ZSWIM9: variants seen among roughly 807,000 people sequenced by gnomAD.
ZSWIM9 encodes uncharacterized protein ZSWIM9.
ZSWIM9 carries 11 observed loss-of-function variants against 25.0 expected under a neutral mutation model. That is an observed-to-expected ratio of 0.44 (90% CI 0.28 to 0.73). The LOEUF (loss-of-function observed/expected upper bound fraction) is 0.73, where lower values mean the gene tolerates loss of function less well. Ranked by LOEUF, ZSWIM9 falls within the 30% of genes least tolerant of loss-of-function variation. The pLI is 0.16. For missense variants in ZSWIM9, 1,070 were observed against 1,296.5 expected, an observed-to-expected ratio of 0.83 and a Z score of 2.68; for synonymous variants, 562 against 582.1, an observed-to-expected ratio of 0.97 and a Z score of 0.50.
At position 48,196,444 on chromosome 19, in the gene ZSWIM9, G is replaced by A. The variant is rs1316961122; in HGVS notation, c.2380G>A (p.Gly794Ser). 3.2e-6 allele frequency: 4 copies of A among 1,232,534 alleles called. No individual in the cohort carries two copies. Among genetic ancestry groups the A allele is most frequent in the East Asian group, 3.2e-5 (1 of 31,702 alleles). The allele number at this position is 1,232,534 out of a possible 1,614,324, so 76.3% of individuals were successfully genotyped here. ...GAGTGAACACCTGGCTGCAGGTGAC[G>A]GCCTGCAGGAAGGAGGCGAAGATGG... ...ARSEHLAAGD[G>S]LQEGGEDGPR... is the part of the protein sequence containing the mutation. The change falls in exon 4 of 4, where the codon GGC becomes AGC. Residue 794 changes from glycine to serine, a missense_variant. Around this residue, in one of 4 missense-constraint regions of ZSWIM9, gnomAD observed 583 missense variants for 624.7 expected, o/e 0.93. Coordinates refer to ENST00000614654, the MANE Select transcript of ZSWIM9 (RefSeq NM_199341.4).
chr19:48,182,448 C>T lies in ZSWIM9; in HGVS notation c.276-7C>T, dbSNP rs1419933818. ...TGTGACCAGGGCGGTGGTGGTTCCTCCCACAGGCCTCCCCAGCCCGGCTGC... is the reference window on the plus strand; with the variant it reads ...TGTGACCAGGGCGGTGGTGGTTCCTTCCACAGGCCTCCCCAGCCCGGCTGC... On this transcript the variant is annotated splice_polypyrimidine_tract_variant and splice_region_variant and intron_variant, in intron 2 of 3. Coordinates refer to ENST00000614654, the MANE Select transcript of ZSWIM9 (RefSeq NM_199341.4). This position sits in a 1 kb window ranked among gnomAD's most constrained non-coding sequence, Gnocchi z 4.6. The T allele has an allele frequency of 6.5e-7, 1 of 1,530,296 alleles. No homozygotes were observed. Among genetic ancestry groups the T allele is most frequent in the Non-Finnish European group, 8.7e-7 (1 of 1,142,922 alleles). The allele number at this position is 1,530,296 out of a possible 1,614,324, so 94.8% of individuals were successfully genotyped here. A position where few individuals can be genotyped will look rare whatever the true frequency, so the allele number is the denominator to read the frequency against.
chr19:48,183,370 G>A (rs79494056), intron 3 of ZSWIM9, among the ~76,000 whole-genome samples: 10,680 of 151,892 alleles, frequency 0.07, 510 homozygotes, highest in East Asian at 0.12. Flanking sequence ...CTTGTGATCC[G>A]CCCGCCTCGG....
chr19:48,177,394 CT>C (rs1165925217), intron 2 of ZSWIM9, among the ~76,000 whole-genome samples: 1 of 152,178 alleles, frequency 6.6e-6, no homozygotes, highest in Non-Finnish European at 1.5e-5. Context: ...TCATCACACA[CT>C]TACTGAATAC....
chr19:48,177,523 A>G (rs2036905273), intron 2 of ZSWIM9, among the ~76,000 whole-genome samples: 1 of 152,244 alleles, frequency 6.6e-6, no homozygotes, highest in Non-Finnish European at 1.5e-5. Context: ...TCCTCCAGAC[A>G]GGTGGAGAGA....
chr19:48,181,303 C>T (rs976828993), intron 2 of ZSWIM9: 1 of 152,150 alleles, frequency 6.6e-6, no homozygotes, highest in Non-Finnish European at 1.5e-5. Context: ...ATCTAGCCTC[C>T]TAACGATAGA....
At chr19:48,171,718 G>A in intron 1 of ZSWIM9, 76 bp from the exon 2 acceptor site, 1 of 1,392,062 alleles carries the variant, frequency 7.2e-7, no homozygotes, top group Non-Finnish European at 9.5e-7. Context: ...GACGGGGCAG[G>A]CCAAGAATGG....
At chr19:48,191,105 T>C (rs1036052974) in intron 3 of ZSWIM9, among the ~76,000 whole-genome samples, 2 of 151,868 alleles carry the variant, frequency 1.3e-5, no homozygotes, top group African/African-American at 4.8e-5. Flanking sequence ...TGTGTGTGTG[T>C]GTGTGTGTGT....
rs921101485 is a variant in ZSWIM9, at chr19:48,182,984, T to C, written c.588+217T>C. The stretch of plus-strand genomic sequence containing the variant: ...TCCGCAGAGAGCTTACCTTCTAGGG[T>C]AGTGCTGCCCAGTAGAACTTTCTTC... On this transcript the variant is annotated intron_variant, in intron 3 of 3. Coordinates refer to ENST00000614654, the MANE Select transcript of ZSWIM9 (RefSeq NM_199341.4). This position sits in a 1 kb window ranked among gnomAD's most constrained non-coding sequence, Gnocchi z 4.6. 2 of 574,122 alleles carry C rather than the reference T, an allele frequency of 3.5e-6. No homozygotes were observed. The highest frequency in any genetic ancestry group is 6.3e-5 in the Admixed American group (2 of 31,560). The allele number at this position is 574,122 out of a possible 1,614,324, so 35.6% of individuals were successfully genotyped here. A position where few individuals can be genotyped will look rare whatever the true frequency, so the allele number is the denominator to read the frequency against.
chr19:48,178,801 C>A (rs919474680), intron 2 of ZSWIM9, among the ~76,000 whole-genome samples: 8 of 152,110 alleles, frequency 5.3e-5, no homozygotes, highest in Admixed American at 1.3e-4. Context: ...GTCTCGAACT[C>A]TTGACCTCGT....
chr19:48,195,996 A>G lies in ZSWIM9; in HGVS notation c.1932A>G (p.Glu644=). The change falls in exon 4 of 4, where the codon GAA becomes GAG. Residue 644 remains glutamate, a synonymous_variant. Transcript: ENST00000614654. The surrounding 1 kb of genome is among the most constrained non-coding windows in gnomAD (Gnocchi z 5.8). ...DERAGGLRTA[E]WKGPQSEVEK... ...GGGCAGGGGGACTGAGAACTGCAGA[A>G]TGGAAGGGGCCACAGTCAGAAGTAG... 1.0e-5 allele frequency: 13 copies of G among 1,282,796 alleles called. No individual in the cohort carries two copies. Among genetic ancestry groups the G allele is most frequent in the Non-Finnish European group, 1.3e-5 (13 of 1,017,626 alleles). The allele number at this position is 1,282,796 out of a possible 1,614,324, so 79.5% of individuals were successfully genotyped here. A position where few individuals can be genotyped will look rare whatever the true frequency, so the allele number is the denominator to read the frequency against.
intron 3 of ZSWIM9, among the ~76,000 whole-genome samples, chr19:48,186,946 A>G (rs2037018368): frequency 6.6e-6 from 1 of 152,086 alleles, no homozygotes; most frequent in African/African-American, 2.4e-5. Context: ...GGGTGGGGGA[A>G]GAGTAAGGGG....
In ZSWIM9 at chr19:48,182,264, C is replaced by G; in HGVS notation, c.276-191C>G. The G allele has an allele frequency of 1.7e-6, 1 of 599,598 alleles. No homozygotes were observed. Among genetic ancestry groups the G allele is most frequent in the Non-Finnish European group, 2.9e-6 (1 of 339,922 alleles). The allele number at this position is 599,598 out of a possible 1,614,324, so 37.1% of individuals were successfully genotyped here. Reference sequence around the variant, plus strand: ...TGATGAGTAGGACCTTCCTTGTAACCTATGAGGAAACTGAGGCATAGAGAC... The same window carrying G: ...TGATGAGTAGGACCTTCCTTGTAACGTATGAGGAAACTGAGGCATAGAGAC... On this transcript the variant is annotated intron_variant, in intron 2 of 3. Transcript: ENST00000614654. The surrounding 1 kb of genome is among the most constrained non-coding windows in gnomAD (Gnocchi z 4.6).
chr19:48,171,758 G>A (rs761729532), intron 1 of ZSWIM9, 36 bp from the exon 2 acceptor site: 4 of 1,500,702 alleles, frequency 2.7e-6, no homozygotes, highest in South Asian at 2.5e-5. Context: ...GTGGGAATGG[G>A]TCTGATATCC....
intron 1 of ZSWIM9, chr19:48,171,519 C>A: frequency 2.3e-6 from 1 of 435,974 alleles, no homozygotes; most frequent in Non-Finnish European, 3.0e-6. Flanking sequence ...TCCAACTGTA[C>A]CTAAGGGTCA....
At chr19:48,172,149 G>A (rs1372084010) in intron 2 of ZSWIM9, 72 bp downstream of exon 2, 3 of 1,342,188 alleles carry the variant, frequency 2.2e-6, no homozygotes, top group African/African-American at 2.9e-5. Flanking sequence ...TGGGAGACGG[G>A]CAGAGAACAC....
chr19:48,177,862 A>G (rs950388582), intron 2 of ZSWIM9, among the ~76,000 whole-genome samples: 1 of 152,096 alleles, frequency 6.6e-6, no homozygotes, highest in Non-Finnish European at 1.5e-5. Flanking sequence ...TTTTATTCAT[A>G]TTTATTTGTA....
At chr19:48,171,286 G>C in intron 1 of ZSWIM9, 1 of 985,420 alleles carries the variant, frequency 1.0e-6, no homozygotes, top group Non-Finnish European at 1.2e-6. Flanking sequence ...CCGTGGCCTG[G>C]ATGTGGGAGC....
At chr19:48,171,473 A>T (rs1445792254) in intron 1 of ZSWIM9, 1 of 815,456 alleles carries the variant, frequency 1.2e-6, no homozygotes, top group Non-Finnish European at 1.5e-6. Context: ...CTTAAGGGAC[A>T]TCTGAGCTTA....
At chr19:48,185,794 A>C (rs569123631) in intron 3 of ZSWIM9, among the ~76,000 whole-genome samples, 2 of 152,254 alleles carry the variant, frequency 1.3e-5, no homozygotes, top group East Asian at 3.9e-4. Context: ...CGAGACCAGC[A>C]TGGCCAACAT....
Sources: gnomAD v4.1 joint callset for allele counts (sites outside exome capture counted in the v4.1 genomes callset) on GRCh38, gnomAD v4.1.1 for gene constraint, gnomAD v4.1.1 regional missense constraint, Gnocchi (gnomAD v3.1) non-coding constraint, MANE v1.5 for transcripts, NCBI Gene and HGNC (gene_info 2026-07-23, HGNC 2026-07-21) for gene names.